KIAA0825: variants seen among roughly 807,000 people sequenced by gnomAD.
KIAA0825 encodes the protein uncharacterized protein KIAA0825.
In KIAA0825, 119 loss-of-function variants were observed where a neutral mutation model predicts 147.6. The ratio of observed to expected loss-of-function variants is 0.81; its 90% CI spans 0.69 to 0.94. The LOEUF (loss-of-function observed/expected upper bound fraction) is 0.94, where lower values mean the gene tolerates loss of function less well. KIAA0825 is among the 40% of genes least tolerant of loss of function. The pLI, the probability that KIAA0825 is intolerant of heterozygous loss-of-function variation, is 0.00. For missense variants in KIAA0825, 1,381 were observed against 1,472.7 expected (o/e 0.94, Z 1.02); for synonymous variants, 470 against 518.1 (o/e 0.91, Z 1.26).
chr5:94,282,758 G>A (rs564443064), intron 20 of KIAA0825, among the ~76,000 whole-genome samples: 2 of 152,094 alleles, frequency 1.3e-5, no homozygotes, highest in African/African-American at 4.8e-5. Context: ...ATGTTTGTAG[G>A]AATGATCAAG....
chr5:94,248,221 A>G (rs1452436513), intron 20 of KIAA0825, among the ~76,000 whole-genome samples: 1 of 152,164 alleles, frequency 6.6e-6, no homozygotes, highest in Non-Finnish European at 1.5e-5. Flanking sequence ...CCAAAGATAC[A>G]TTAAGAAGCA....
intron 3 of KIAA0825, among the ~76,000 whole-genome samples, chr5:94,527,037 C>T (rs1474818597): frequency 6.6e-6 from 1 of 151,956 alleles, no homozygotes; most frequent in Non-Finnish European, 1.5e-5. Context: ...TCCCTGACAC[C>T]TCACCCCTCA....
intron 20 of KIAA0825, among the ~76,000 whole-genome samples, chr5:94,264,689 T>A (rs751495503): frequency 2.0e-5 from 3 of 152,174 alleles, no homozygotes; most frequent in Non-Finnish European, 2.9e-5. Flanking sequence ...TCTCAACTTA[T>A]AACTCTCTGC....
chr5:94,402,777 G>A (rs1057079435), intron 16 of KIAA0825, among the ~76,000 whole-genome samples: 9 of 151,320 alleles, frequency 5.9e-5, no homozygotes, highest in African/African-American at 2.2e-4. Flanking sequence ...TTTCCTTAGA[G>A]TTAGTGAAAA....
At chr5:94,610,607 C>CA (rs1052655251) in intron 1 of KIAA0825, among the ~76,000 whole-genome samples, 2 of 145,032 alleles carry the variant, frequency 1.4e-5, no homozygotes, top group South Asian at 2.2e-4. Context: ...TACTAAAATA[C>CA]AAAAAAAATT....
At chr5:94,439,885 A>T in intron 14 of KIAA0825, 97 bp downstream of exon 14, 1 of 1,271,024 alleles carries the variant, frequency 7.9e-7, no homozygotes, top group Non-Finnish European at 1.1e-6. Context: ...CTATTGGTTT[A>T]CATCTTTCTT....
chr5:94,288,746 G>GT (rs1348531252), intron 20 of KIAA0825, among the ~76,000 whole-genome samples: 60 of 152,220 alleles, frequency 3.9e-4, no homozygotes, highest in African/African-American at 1.3e-3. Context: ...TAAACACCCT[G>GT]TTTGCCAAGT....
chr5:94,261,765 T>TC (rs377224386), intron 20 of KIAA0825, among the ~76,000 whole-genome samples: 2 of 152,114 alleles, frequency 1.3e-5, no homozygotes, highest in Admixed American at 6.6e-5. Flanking sequence ...CCAGCCAGTC[T>TC]CCAAGTTCTA....
At chr5:94,328,076 T>A (rs992406162) in intron 20 of KIAA0825, among the ~76,000 whole-genome samples, 14 of 152,180 alleles carry the variant, frequency 9.2e-5, no homozygotes, top group African/African-American at 3.4e-4. Context: ...CATCTCTGAT[T>A]TTTTTCAAGT....
intron 13 of KIAA0825, among the ~76,000 whole-genome samples, chr5:94,450,691 G>C (rs1758291118): frequency 6.6e-6 from 1 of 152,036 alleles, no homozygotes; most frequent in African/African-American, 2.4e-5. Flanking sequence ...AGTTGCATTG[G>C]GGATTATATT....
intron 13 of KIAA0825, among the ~76,000 whole-genome samples, chr5:94,447,636 C>T (rs893554812): frequency 1.8e-4 from 27 of 152,020 alleles, no homozygotes; most frequent in African/African-American, 6.3e-4. Context: ...TTTTTGAATG[C>T]ATTTATTGAA....
chr5:94,508,259 A>C (rs954863682), intron 5 of KIAA0825, among the ~76,000 whole-genome samples: 2 of 152,222 alleles, frequency 1.3e-5, no homozygotes, highest in Non-Finnish European at 2.9e-5. Context: ...AATATTGCAC[A>C]AAACTAAATT....
At chr5:94,360,109 A>C (rs554867152) in intron 20 of KIAA0825, among the ~76,000 whole-genome samples, 14 of 152,326 alleles carry the variant, frequency 9.2e-5, no homozygotes. Flanking sequence ...TTCTTAGGAC[A>C]GTTCAGGAAC....
At position 94,151,402 on chromosome 5, in the gene KIAA0825, C is replaced by A. The variant is rs1248618123; in HGVS notation, c.*2605G>T. Reference sequence around the variant, plus strand: ...ACTGCAGTCCGCAGTCCGGCCTGGGCGACAGAGCGAGACTCCGTCTCAAAA... The same window carrying A: ...ACTGCAGTCCGCAGTCCGGCCTGGGAGACAGAGCGAGACTCCGTCTCAAAA... On this transcript the variant is annotated 3_prime_UTR_variant, in exon 21 of 21. Coordinates refer to ENST00000682413, the MANE Select transcript of KIAA0825 (RefSeq NM_001145678.3). Among the ~76,000 whole-genome samples the A allele has an allele frequency of 8.7e-6, 1 of 115,534 alleles. No homozygotes were observed. Among genetic ancestry groups the A allele is most frequent in the African/African-American group, 3.5e-5 (1 of 28,952 alleles). The allele number at this position is 115,534 out of a possible 152,430, so 75.8% of individuals were successfully genotyped here.
chr5:94,255,914 A>G (rs779265964), intron 20 of KIAA0825, among the ~76,000 whole-genome samples: 1 of 151,640 alleles, frequency 6.6e-6, no homozygotes, highest in Non-Finnish European at 1.5e-5. Context: ...AGGTCTCATT[A>G]TCTTACCTAG....
At chr5:94,587,085 C>T (rs1783447147) in intron 1 of KIAA0825, among the ~76,000 whole-genome samples, 1 of 152,190 alleles carries the variant, frequency 6.6e-6, no homozygotes, top group Non-Finnish European at 1.5e-5. Context: ...CAGCCAATAT[C>T]ATACTGGATG....
chr5:94,281,197 TAACACACACA>T (rs1379196621), intron 20 of KIAA0825, among the ~76,000 whole-genome samples: 1 of 90,222 alleles, frequency 1.1e-5, no homozygotes, highest in Non-Finnish European at 2.3e-5. Flanking sequence ...ATAAGTGATT[TAACACACACA>T]CACACACACA....
intron 20 of KIAA0825, among the ~76,000 whole-genome samples, chr5:94,200,456 C>G (rs1438913132): frequency 6.6e-6 from 1 of 152,082 alleles, no homozygotes; most frequent in East Asian, 1.9e-4. Flanking sequence ...GTTCTTTTCT[C>G]TGTTGGTGGG....
intron 20 of KIAA0825, among the ~76,000 whole-genome samples, chr5:94,334,379 A>T (rs1276001619): frequency 6.6e-6 from 1 of 152,282 alleles, no homozygotes; most frequent in Non-Finnish European, 1.5e-5. Context: ...AAGAAGTCCA[A>T]ATAGTTATGC....
Sources: gnomAD v4.1 joint callset for allele counts (sites outside exome capture counted in the v4.1 genomes callset) on GRCh38, gnomAD v4.1.1 for gene constraint, MANE v1.5 for transcripts, NCBI Gene and HGNC (gene_info 2026-07-23, HGNC 2026-07-21) for gene names.